MYRIP: variants seen among roughly 807,000 people sequenced by gnomAD.
The protein encoded by MYRIP is myosin VIIA and Rab interacting protein, also known as rab effector MyRIP.
Under a neutral mutation model 98.0 loss-of-function variants are expected in MYRIP, and 49 were observed. The observed-to-expected ratio is 0.50, with a 90% confidence interval of 0.40 to 0.63. MYRIP has a LOEUF of 0.63. Ranked by LOEUF, MYRIP falls within the 30% of genes least tolerant of loss-of-function variation. The pLI is 0.00. For synonymous variants in MYRIP, 404 were observed against 409.5 expected (o/e 0.99, Z 0.16); for missense variants, 1,004 against 1,058.2 (o/e 0.95, Z 0.71).
chr3:39,929,083 T>C (rs1028311922), intron 2 of MYRIP, among the ~76,000 whole-genome samples: 1 of 151,968 alleles, frequency 6.6e-6, no homozygotes, highest in Non-Finnish European at 1.5e-5. Context: ...CTGTGATAAA[T>C]TGTATCAAAT....
At chr3:40,180,468 G>A (rs1159326391) in intron 8 of MYRIP, among the ~76,000 whole-genome samples, 1 of 152,210 alleles carries the variant, frequency 6.6e-6, no homozygotes, top group Non-Finnish European at 1.5e-5. Context: ...TTGCAAGAGT[G>A]CAGTAAAACA....
chr3:40,035,315 G>C (rs1947354466), intron 2 of MYRIP, among the ~76,000 whole-genome samples: 1 of 151,980 alleles, frequency 6.6e-6, no homozygotes, highest in Admixed American at 6.6e-5. Flanking sequence ...AACTAAAATT[G>C]TATAAGTCAC....
chr3:40,176,685 A>G (rs1559435543), intron 8 of MYRIP, among the ~76,000 whole-genome samples: 1 of 152,154 alleles, frequency 6.6e-6, no homozygotes, highest in Non-Finnish European at 1.5e-5. Context: ...AGGTGGGTGG[A>G]TCACCTGAGA....
Position 40,258,137 on chromosome 3 carries a change from C to G in MYRIP, c.2551C>G (p.Pro851Ala). ...TGTGTTCAATGTCTCACCTCAGGAG[C>G]CTGCTCTGGAGTCAGCTGTGATGTA... ...RKGTTKDLME[P>A]ALESAVMY Residue 851 changes from proline (P) to alanine (A), a missense_variant, in exon 17 of 17, where the codon CCT (proline) becomes GCT (alanine). Around this residue, in one of 3 missense-constraint regions of MYRIP, gnomAD observed 108 missense variants for 111.1 expected, o/e 0.97. Transcript: ENST00000302541. 6.2e-7 allele frequency: 1 copy of G among 1,614,210 alleles called. No individual in the cohort carries two copies. The highest frequency in any genetic ancestry group is 1.7e-5 in the Admixed American group (1 of 60,018).
At chr3:40,228,675 C>G (rs549325276) in intron 11 of MYRIP, among the ~76,000 whole-genome samples, 2 of 152,206 alleles carry the variant, frequency 1.3e-5, no homozygotes, top group Non-Finnish European at 2.9e-5. Context: ...GAGGTGGAGA[C>G]AGGAAAATCT....
chr3:39,855,016 G>A (rs1942243867), intron 1 of MYRIP, among the ~76,000 whole-genome samples: 1 of 152,202 alleles, frequency 6.6e-6, no homozygotes, highest in Non-Finnish European at 1.5e-5. Context: ...TCCCAGCCAT[G>A]GATACCAGCA....
intron 3 of MYRIP, among the ~76,000 whole-genome samples, chr3:40,098,335 GT>G (rs1286514068): frequency 6.6e-6 from 1 of 152,126 alleles, no homozygotes; most frequent in Non-Finnish European, 1.5e-5. Context: ...GAACCCATTT[GT>G]AATGCAATAC....
At position 40,244,526 on chromosome 3, in the gene MYRIP, T is replaced by C. The variant is rs4618168; in HGVS notation, c.2181T>C (p.Ser727=). 770,273 of 1,613,314 alleles carry C rather than the reference T, an allele frequency of 0.48. 191,907 individuals carry two copies. Among genetic ancestry groups the C allele is most frequent in the African/African-American group, 0.75 (56,104 of 74,942 alleles). ...AAGATGCCGCCCGCTGCATCCACAG[T>C]GGCACTGATGAGACCCATCTGGCGG... ...ELEDAARCIH[S]GTDETHLADL... is the part of the protein sequence containing the mutation. Residue 727 remains serine, a synonymous_variant, in exon 13 of 17, where the codon AGT becomes AGC. Transcript: ENST00000302541.
intron 2 of MYRIP, among the ~76,000 whole-genome samples, chr3:39,942,024 C>A (rs1378075982): frequency 3.9e-5 from 6 of 152,114 alleles, no homozygotes; most frequent in Non-Finnish European, 7.4e-5. Flanking sequence ...ATGTCATGGA[C>A]AACATCCAAG....
chr3:40,143,703 G>A (rs1246751417), intron 3 of MYRIP, among the ~76,000 whole-genome samples: 2 of 152,122 alleles, frequency 1.3e-5, no homozygotes, highest in Admixed American at 6.5e-5. Flanking sequence ...GGGGTACAAT[G>A]TGACATTTTG....
chr3:40,160,823 C>T (rs542647144), intron 4 of MYRIP, among the ~76,000 whole-genome samples: 8 of 152,320 alleles, frequency 5.3e-5, no homozygotes, highest in East Asian at 1.9e-4. Flanking sequence ...TGGCCCCTTG[C>T]GCTTCCTGAG....
intron 3 of MYRIP, among the ~76,000 whole-genome samples, chr3:40,095,530 A>C (rs1948809165): frequency 6.6e-6 from 1 of 152,112 alleles, no homozygotes; most frequent in Admixed American, 6.5e-5. Flanking sequence ...GCTTTGTTTT[A>C]AAGGTAGTCA....
At chr3:39,978,843 C>G (rs1179026932) in intron 2 of MYRIP, among the ~76,000 whole-genome samples, 1 of 149,912 alleles carries the variant, frequency 6.7e-6, no homozygotes, top group Non-Finnish European at 1.5e-5. Flanking sequence ...TTTTAAATGT[C>G]ACCAGAATAT....
intron 3 of MYRIP, among the ~76,000 whole-genome samples, chr3:40,083,085 T>G (rs572994948): frequency 7.9e-5 from 12 of 152,238 alleles, no homozygotes; most frequent in Non-Finnish European, 1.6e-4. Context: ...TAGTCATTCA[T>G]TCAACACCTA....
chr3:39,955,745 G>T (rs1205567539), intron 2 of MYRIP, among the ~76,000 whole-genome samples: 2 of 152,086 alleles, frequency 1.3e-5, no homozygotes, highest in Non-Finnish European at 2.9e-5. Context: ...ATTGGATGAA[G>T]AGTCAAGACC....
intron 10 of MYRIP, among the ~76,000 whole-genome samples, chr3:40,191,344 G>A (rs2125631664): frequency 6.6e-6 from 1 of 152,238 alleles, no homozygotes; most frequent in East Asian, 1.9e-4. Context: ...CTGTGACTTT[G>A]ATTGTGCTAT....
intron 2 of MYRIP, among the ~76,000 whole-genome samples, chr3:40,015,153 A>AT (rs1438195227): frequency 6.6e-6 from 1 of 152,208 alleles, no homozygotes; most frequent in Non-Finnish European, 1.5e-5. Flanking sequence ...CCAAAGTTGC[A>AT]TTTTGTTCTT....
At chr3:40,100,459 G>A (rs543177534) in intron 3 of MYRIP, among the ~76,000 whole-genome samples, 1 of 152,176 alleles carries the variant, frequency 6.6e-6, no homozygotes, top group East Asian at 1.9e-4. Context: ...AATCATAAAG[G>A]AAGAGCATTT....
intron 1 of MYRIP, among the ~76,000 whole-genome samples, chr3:39,871,075 C>T (rs1942776577): frequency 6.6e-6 from 1 of 152,194 alleles, no homozygotes; most frequent in Admixed American, 6.5e-5. Flanking sequence ...ATGACACACG[C>T]CTCTGGGACC....
Sources: gnomAD v4.1 joint callset for allele counts (sites outside exome capture counted in the v4.1 genomes callset) on GRCh38, gnomAD v4.1.1 for gene constraint, gnomAD v4.1.1 regional missense constraint, MANE v1.5 for transcripts, NCBI Gene and HGNC (gene_info 2026-07-23, HGNC 2026-07-21) for gene names.